TMEM181: variants seen among roughly 807,000 people sequenced by gnomAD.
TMEM181 encodes transmembrane protein 181, also known as G protein-coupled receptor 178.
TMEM181 carries 39 observed loss-of-function variants against 71.9 expected under a neutral mutation model. The ratio of observed to expected loss-of-function variants is 0.54; its 90% CI spans 0.42 to 0.71. TMEM181 has a LOEUF of 0.71. Among genes scored for constraint, TMEM181 ranks in the 30% least tolerant of loss-of-function variants. The pLI is 0.00. For synonymous variants in TMEM181, 245 were observed against 228.8 expected (o/e 1.07, Z -0.64); for missense variants, 595 against 583.0 (o/e 1.02, Z -0.21).
chr6:158,608,489 G>T, intron 9 of TMEM181, 26 bp downstream of exon 9: 1 of 1,613,896 alleles, frequency 6.2e-7, no homozygotes, highest in Non-Finnish European at 8.5e-7. Context: ...CCTCACTGCC[G>T]GGGGAGGTTC....
Position 158,620,497 on chromosome 6 carries a change from A to G in TMEM181, c.897-3053A>G, listed in dbSNP as rs35001176. Among the ~76,000 whole-genome samples the G allele has an allele frequency of 0.16, 25,034 of 152,168 alleles. 2,216 individuals carry two copies. Among genetic ancestry groups the G allele is most frequent in the African/African-American group, 0.21 (8,918 of 41,506 alleles). On this transcript the variant is annotated intron_variant, in intron 10 of 16. Coordinates refer to ENST00000684151, the MANE Select transcript of TMEM181 (RefSeq NM_001376852.1). This position sits in a 1 kb window ranked among gnomAD's most constrained non-coding sequence, Gnocchi z 4.5. Reference sequence around the variant, plus strand: ...CCGAACCGGCATGCGTGAGGAAGAGAGAGGGAGAGGGAGAGAGAAAGAAGA... The same window carrying G: ...CCGAACCGGCATGCGTGAGGAAGAGGGAGGGAGAGGGAGAGAGAAAGAAGA...
At chr6:158,598,502 T>G (rs1347359430) in intron 6 of TMEM181, among the ~76,000 whole-genome samples, 1 of 152,026 alleles carries the variant, frequency 6.6e-6, no homozygotes. Flanking sequence ...TTCCTGAGTG[T>G]CTCCCAGCTT....
At chr6:158,615,408 C>G (rs1441188776) in intron 10 of TMEM181, among the ~76,000 whole-genome samples, 2 of 152,184 alleles carry the variant, frequency 1.3e-5, no homozygotes, top group Non-Finnish European at 2.9e-5. Flanking sequence ...GAGTAGATAG[C>G]AAAAATTTTC....
upstream of TMEM181, among the ~76,000 whole-genome samples, chr6:158,559,687 T>G (rs1368253933): frequency 1.3e-5 from 2 of 152,326 alleles, no homozygotes; most frequent in African/African-American, 2.4e-5. Flanking sequence ...TAACCTTTTT[T>G]GGGGTCACAA....
intron 1 of TMEM181, among the ~76,000 whole-genome samples, chr6:158,537,264 T>C (rs1053972331): frequency 6.6e-6 from 1 of 151,986 alleles, no homozygotes; most frequent in Admixed American, 6.5e-5. Flanking sequence ...CGGCGCAGTC[T>C]GGGGAGGCGA....
intron 9 of TMEM181, 79 bp from the exon 10 acceptor site, chr6:158,608,580 A>C: frequency 6.3e-7 from 1 of 1,597,670 alleles, no homozygotes; most frequent in Non-Finnish European, 8.5e-7. Context: ...GCAGGCCCAT[A>C]CTCAATGGAA....
chr6:158,558,876 C>T (rs1052565512), upstream of TMEM181, among the ~76,000 whole-genome samples: 2 of 152,188 alleles, frequency 1.3e-5, no homozygotes, highest in Non-Finnish European at 2.9e-5. Context: ...TCACCCCTTC[C>T]CGCGCCCCAC....
chr6:158,537,439 G>T (rs980588819), intron 1 of TMEM181, among the ~76,000 whole-genome samples: 1 of 152,228 alleles, frequency 6.6e-6, no homozygotes, highest in Non-Finnish European at 1.5e-5. Flanking sequence ...GCCTGGGAGC[G>T]GCTGTGTGGA....
chr6:158,577,061 C>CAAAA (rs5881280), intron 2 of TMEM181, among the ~76,000 whole-genome samples: 2 of 76,052 alleles, frequency 2.6e-5, no homozygotes, highest in Non-Finnish European at 5.3e-5. Context: ...GACTCCATCT[C>CAAAA]AAAAAAAAAA....
intron 1 of TMEM181, among the ~76,000 whole-genome samples, chr6:158,540,731 C>T (rs548481359): frequency 2.0e-5 from 3 of 151,652 alleles, no homozygotes; most frequent in African/African-American, 2.4e-5. Flanking sequence ...GATCAGGATT[C>T]GCAGTGCTGG....
intron 5 of TMEM181, among the ~76,000 whole-genome samples, chr6:158,588,816 C>T (rs1201472230): frequency 6.6e-5 from 10 of 152,320 alleles, no homozygotes; most frequent in Admixed American, 3.3e-4. Flanking sequence ...CTCAGACATT[C>T]GAGGCTTGAC....
intron 6 of TMEM181, among the ~76,000 whole-genome samples, chr6:158,602,373 A>G (rs892026429): frequency 1.3e-5 from 2 of 152,214 alleles, no homozygotes; most frequent in African/African-American, 4.8e-5. Flanking sequence ...CTTTGTGTGG[A>G]CATATGCTTT....
intron 2 of TMEM181, among the ~76,000 whole-genome samples, chr6:158,577,560 A>G (rs1783233818): frequency 2.0e-5 from 3 of 152,220 alleles, no homozygotes; most frequent in African/African-American, 4.8e-5. Context: ...AAAACTTCCC[A>G]TATTTGGTGA....
At chr6:158,571,583 C>G (rs1782849682) in intron 1 of TMEM181, among the ~76,000 whole-genome samples, 1 of 152,224 alleles carries the variant, frequency 6.6e-6, no homozygotes, top group African/African-American at 2.4e-5. Flanking sequence ...TAGGCATGAG[C>G]CACCGCGCCC....
intron 1 of TMEM181, among the ~76,000 whole-genome samples, chr6:158,554,564 A>AT (rs1244715409): frequency 1.3e-5 from 2 of 152,220 alleles, no homozygotes; most frequent in Non-Finnish European, 2.9e-5. Context: ...AATTGGCTTC[A>AT]TTATACATTG....
chr6:158,541,807 T>G (rs549953516), intron 1 of TMEM181, among the ~76,000 whole-genome samples: 2 of 148,936 alleles, frequency 1.3e-5, no homozygotes, highest in East Asian at 4.0e-4. Context: ...TGGGTACACC[T>G]CAGTGTAACT....
chr6:158,567,750 G>A (rs1245137589), intron 1 of TMEM181, among the ~76,000 whole-genome samples: 1 of 152,218 alleles, frequency 6.6e-6, no homozygotes, highest in Non-Finnish European at 1.5e-5. Context: ...TCTAGGGCAA[G>A]TAATGGAACC....
chr6:158,577,123 A>G (rs1783208331), intron 2 of TMEM181, among the ~76,000 whole-genome samples: 1 of 152,146 alleles, frequency 6.6e-6, no homozygotes, highest in Non-Finnish European at 1.5e-5. Flanking sequence ...TCGAAGGGAA[A>G]AAAATGAAGT....
chr6:158,585,410 C>G lies in TMEM181; in HGVS notation c.366C>G (p.Thr122=), dbSNP rs752988045. ...IHNKVHNRTR[T]LTCAGKCAEI... ...ACAAAGTTCACAACCGGACAAGGACCCTCACATGTGCAGGGGTGAGTGTGT... is the reference window on the plus strand; with the variant it reads ...ACAAAGTTCACAACCGGACAAGGACGCTCACATGTGCAGGGGTGAGTGTGT... The change falls in exon 5 of 17, where the codon ACC becomes ACG. Residue 122 remains threonine, a synonymous_variant. Coordinates refer to ENST00000684151, the MANE Select transcript of TMEM181 (RefSeq NM_001376852.1). 1.2e-6 allele frequency: 2 copies of G among 1,608,648 alleles called. No homozygotes were observed. Among genetic ancestry groups the G allele is most frequent in the Non-Finnish European group, 1.7e-6 (2 of 1,178,204 alleles).
Sources: gnomAD v4.1 joint callset for allele counts (sites outside exome capture counted in the v4.1 genomes callset) on GRCh38, gnomAD v4.1.1 for gene constraint, Gnocchi (gnomAD v3.1) non-coding constraint, MANE v1.5 for transcripts, NCBI Gene and HGNC (gene_info 2026-07-23, HGNC 2026-07-21) for gene names.